NKAIN2: variants seen among roughly 807,000 people sequenced by gnomAD.
The protein encoded by NKAIN2 is sodium/potassium-transporting ATPase subunit beta-1-interacting protein 2.
NKAIN2 carries 14 observed loss-of-function variants against 32.6 expected under a neutral mutation model. That is an observed-to-expected ratio of 0.43 (90% confidence interval 0.28 to 0.67). The LOEUF (loss-of-function observed/expected upper bound fraction) is 0.67, where lower values mean the gene tolerates loss of function less well. NKAIN2 is among the 30% of genes least tolerant of loss of function. The probability of loss-of-function intolerance (pLI) is 0.17; values close to 1 mark genes in which losing one functional copy is unlikely to be tolerated. For missense variants in NKAIN2, 198 were observed against 258.3 expected, an observed-to-expected ratio of 0.77 and a Z score of 1.60; for synonymous variants, 80 against 87.2, an observed-to-expected ratio of 0.92 and a Z score of 0.46.
chr6:124,187,230 G>A (rs1326462282), intron 1 of NKAIN2, among the ~76,000 whole-genome samples: 2 of 152,106 alleles, frequency 1.3e-5, no homozygotes, highest in African/African-American at 2.4e-5. Context: ...ATGGATTAGA[G>A]ATGACTTCAT....
At chr6:124,455,729 G>T (rs538747490) in intron 3 of NKAIN2, among the ~76,000 whole-genome samples, 55 of 151,748 alleles carry the variant, frequency 3.6e-4, no homozygotes, top group Non-Finnish European at 7.2e-4. Context: ...GAATAATGTT[G>T]ACAAGTTGGT....
At chr6:123,807,500 G>A (rs932298770) in intron 1 of NKAIN2, among the ~76,000 whole-genome samples, 1 of 152,030 alleles carries the variant, frequency 6.6e-6, no homozygotes, top group Non-Finnish European at 1.5e-5. Context: ...TGGATGTAGT[G>A]GTATAGGACA....
intron 5 of NKAIN2, among the ~76,000 whole-genome samples, chr6:124,807,085 C>G (rs918705410): frequency 1.3e-5 from 2 of 151,468 alleles, no homozygotes; most frequent in Admixed American, 1.3e-4. Context: ...ATCAACGAGA[C>G]AGAAAGTCAA....
chr6:124,041,705 G>T (rs1459861434), intron 1 of NKAIN2, among the ~76,000 whole-genome samples: 1 of 151,816 alleles, frequency 6.6e-6, no homozygotes. Flanking sequence ...TTAGATATGT[G>T]GATAGAGCAA....
chr6:124,715,876 G>A (rs1775727931), intron 4 of NKAIN2, among the ~76,000 whole-genome samples: 1 of 152,164 alleles, frequency 6.6e-6, no homozygotes, highest in Non-Finnish European at 1.5e-5. Flanking sequence ...TAGAGTTAAG[G>A]AAATGTGGTT....
intron 1 of NKAIN2, among the ~76,000 whole-genome samples, chr6:124,066,593 C>T (rs938597076): frequency 1.3e-5 from 2 of 152,086 alleles, no homozygotes; most frequent in Non-Finnish European, 2.9e-5. Context: ...ATGCTAATGA[C>T]CTCTCAGCAA....
rs1438265234 is a variant in NKAIN2, at chr6:124,779,310, GGGAGGGAGGGAAGGAAGGAAGGAA to G, written c.475-12025_475-12002del. The stretch of plus-strand genomic sequence containing the variant: ...AAGGCAGGAAGGAGGGAGGGAGGGA[GGGAGGGAGGGAAGGAAGGAAGGAA>G]GGAAGGAAGGAAGGAAGGAAGGAAG... On this transcript the variant is annotated intron_variant, in intron 4 of 6. Coordinates refer to ENST00000368417, the MANE Select transcript of NKAIN2 (RefSeq NM_001040214.3). 9.7e-3 allele frequency among the ~76,000 whole-genome samples: 933 copies of G among 95,706 alleles called. 8 individuals are homozygous for G. Among genetic ancestry groups the G allele is most frequent in the Middle Eastern group, 0.027 (6 of 226 alleles). 62.8% of individuals were successfully genotyped at this position (95,706 alleles called of 152,430 possible). A position where few individuals can be genotyped will look rare whatever the true frequency, so the allele number is the denominator to read the frequency against.
chr6:124,797,611 C>T (rs1396992764), intron 5 of NKAIN2, among the ~76,000 whole-genome samples: 1 of 152,150 alleles, frequency 6.6e-6, no homozygotes, highest in Non-Finnish European at 1.5e-5. Flanking sequence ...AAGAAAACCA[C>T]AGGAAATTAT....
intron 1 of NKAIN2, among the ~76,000 whole-genome samples, chr6:124,003,510 A>G (rs956086099): frequency 6.6e-6 from 1 of 152,194 alleles, no homozygotes; most frequent in Non-Finnish European, 1.5e-5. Flanking sequence ...TTCTTCACCA[A>G]ATGCTTTTGA....
chr6:124,643,426 T>C (rs1784061350), intron 3 of NKAIN2, among the ~76,000 whole-genome samples: 1 of 152,204 alleles, frequency 6.6e-6, no homozygotes, highest in Non-Finnish European at 1.5e-5. Context: ...AGGTTCCAGC[T>C]AGAGTTCCCA....
chr6:123,977,972 A>G (rs74980380), intron 1 of NKAIN2, among the ~76,000 whole-genome samples: 2,036 of 152,312 alleles, frequency 0.013, 18 homozygotes, highest in Non-Finnish European at 0.02. Context: ...ACAAAGCTAG[A>G]TGAGCATGAA....
At chr6:124,666,234 A>T (rs1772789266) in intron 4 of NKAIN2, among the ~76,000 whole-genome samples, 1 of 152,178 alleles carries the variant, frequency 6.6e-6, no homozygotes, top group African/African-American at 2.4e-5. Context: ...AGTCACAAAA[A>T]TATGGGAAGA....
At chr6:124,091,713 T>G (rs1281447829) in intron 1 of NKAIN2, among the ~76,000 whole-genome samples, 3 of 151,862 alleles carry the variant, frequency 2.0e-5, no homozygotes. Context: ...CTCATTTCAG[T>G]AATGTATTTA....
intron 1 of NKAIN2, among the ~76,000 whole-genome samples, chr6:124,094,391 G>A (rs1367493882): frequency 6.6e-6 from 1 of 152,012 alleles, no homozygotes; most frequent in African/African-American, 2.4e-5. Flanking sequence ...TGTAAAATAT[G>A]ACCTAGTAAC....
intron 1 of NKAIN2, among the ~76,000 whole-genome samples, chr6:124,187,928 T>C (rs1049978621): frequency 3.9e-5 from 6 of 152,224 alleles, no homozygotes; most frequent in African/African-American, 7.2e-5. Flanking sequence ...ATAAGAATGA[T>C]GCTGTTTGAT....
At chr6:123,989,200 C>T (rs529297440) in intron 1 of NKAIN2, among the ~76,000 whole-genome samples, 3 of 152,196 alleles carry the variant, frequency 2.0e-5, no homozygotes, top group East Asian at 3.9e-4. Flanking sequence ...ATTGACAAAT[C>T]GAATGGCTCT....
At chr6:124,351,655 G>A (rs1583103646) in intron 2 of NKAIN2, among the ~76,000 whole-genome samples, 3 of 151,424 alleles carry the variant, frequency 2.0e-5, no homozygotes, top group Non-Finnish European at 2.9e-5. Context: ...GAAGTCTTGC[G>A]CTGTCACCCA....
chr6:123,915,778 G>C (rs1775463570), intron 1 of NKAIN2, among the ~76,000 whole-genome samples: 1 of 152,086 alleles, frequency 6.6e-6, no homozygotes. Flanking sequence ...TTTGGTAAAA[G>C]TTTAGAGCTG....
At chr6:124,572,327 C>A (rs917326143) in intron 3 of NKAIN2, among the ~76,000 whole-genome samples, 2 of 152,162 alleles carry the variant, frequency 1.3e-5, no homozygotes, top group Admixed American at 6.5e-5. Context: ...TGTAGACATA[C>A]CCTGCTCCAG....
Sources: gnomAD v4.1 joint callset for allele counts (sites outside exome capture counted in the v4.1 genomes callset) on GRCh38, gnomAD v4.1.1 for gene constraint, MANE v1.5 for transcripts, NCBI Gene and HGNC (gene_info 2026-07-23, HGNC 2026-07-21) for gene names.